The following TUBAL3 variants were observed in gnomAD, a reference collection of about 807,000 sequenced individuals.
TUBAL3 encodes tubulin alpha chain-like 3.
A neutral mutation model predicts 15.5 loss-of-function variants in TUBAL3; 16 were observed. That is an observed-to-expected ratio of 1.04 (90% CI 0.70 to 1.57). The LOEUF is 1.57. Among genes scored for constraint, TUBAL3 ranks in the 40% most tolerant of loss-of-function variants. The probability of loss-of-function intolerance (pLI) is 0.00; values close to 1 mark genes in which losing one functional copy is unlikely to be tolerated. For synonymous variants in TUBAL3, 238 were observed against 224.3 expected (o/e 1.06, Z -0.55); for missense variants, 609 against 576.2 (o/e 1.06, Z -0.58).
intron 1 of TUBAL3, 38 bp downstream of exon 1, chr10:5,404,752 A>C: frequency 1.9e-6 from 3 of 1,611,744 alleles, no homozygotes; most frequent in Non-Finnish European, 2.5e-6. Flanking sequence ...TGATTAGTAA[A>C]ATTTCCTACA....
At chr10:5,398,735 T>C (rs1831803696) in intron 2 of TUBAL3, among the ~76,000 whole-genome samples, 1 of 142,208 alleles carries the variant, frequency 7.0e-6, no homozygotes, top group Admixed American at 7.4e-5. Context: ...TAAACGTTCT[T>C]AAAACATTAT....
chr10:5,393,626 A>C lies in TUBAL3; in HGVS notation c.1232T>G (p.Phe411Cys), dbSNP rs781961424. ...KFDLMYAKRA[F>C]LHWYLREGME... ...GCCTTCTCTGAGGTACCAGTGCAGA[A>C]ATGCTCTCTTGGCGTACATGAGGTC... The change falls in exon 4 of 4, where the codon TTT becomes TGT. Residue 411 changes from phenylalanine (F) to cysteine (C), a missense_variant. Transcript: ENST00000380419. The C allele has an allele frequency of 4.3e-6, 7 of 1,614,154 alleles. No individual in the cohort carries two copies. Among genetic ancestry groups the C allele is most frequent in the Non-Finnish European group, 5.1e-6 (6 of 1,180,030 alleles).
chr10:5,401,103 G>T lies in TUBAL3; in HGVS notation c.4-16C>A. On this transcript the variant is annotated splice_polypyrimidine_tract_variant and intron_variant, in intron 1 of 3. Transcript: ENST00000380419. ...GGCACTCCCTCTAAAATAAGTCATG[G>T]TGAGTTGGAACTGAGCAGGTGTTTA... The T allele has an allele frequency of 6.2e-7, 1 of 1,613,536 alleles. No individual in the cohort carries two copies.
In TUBAL3 at chr10:5,394,100, C is replaced by G; in HGVS notation, c.758G>C (p.Gly253Ala). 6.2e-7 allele frequency: 1 copy of G among 1,614,176 alleles called. No homozygotes were observed. Among genetic ancestry groups the G allele is most frequent in the Non-Finnish European group, 8.5e-7 (1 of 1,180,036 alleles). Reference sequence around the variant, plus strand: ...TTCAATTAGGTCTACATTCAAGGGCCCTTCAAACCGGAGGGAGGCAGTGAT... The same window carrying G: ...TTCAATTAGGTCTACATTCAAGGGCGCTTCAAACCGGAGGGAGGCAGTGAT... Reference protein sequence around the residue: ...SSITASLRFEGPLNVDLIEFQ... With the variant: ...SSITASLRFEAPLNVDLIEFQ... Residue 253 changes from glycine (G) to alanine (A), a missense_variant, in exon 4 of 4, where the codon GGG (glycine) becomes GCG (alanine). Gly to Ala is a moderately conservative substitution (Grantham distance 60). Coordinates refer to ENST00000380419, the MANE Select transcript of TUBAL3 (RefSeq NM_024803.3). This position sits in a 1 kb window ranked among gnomAD's most constrained non-coding sequence, Gnocchi z 4.3.
In TUBAL3 at chr10:5,394,151, C is replaced by G. The variant is rs1831723346; in HGVS notation, c.707G>C (p.Arg236Thr). The G allele has an allele frequency of 6.2e-7, 1 of 1,614,236 alleles. No homozygotes were observed. Among genetic ancestry groups the G allele is most frequent in the African/African-American group, 1.3e-5 (1 of 75,060 alleles). The change falls in exon 4 of 4, where the codon AGA (arginine) becomes ACA (threonine). Residue 236 changes from arginine (R) to threonine (T), a missense_variant. Coordinates refer to ENST00000380419, the MANE Select transcript of TUBAL3 (RefSeq NM_024803.3). The surrounding 1 kb of genome is among the most constrained non-coding windows in gnomAD (Gnocchi z 4.3). ...GGAAGATACCACCTGAACCACCAAT[C>G]TATTGATGCTGGCATGAGAGGGGCA... ...VECPSHASIN[R>T]LVVQVVSSIT...
rs1831727596 is a variant in TUBAL3, at chr10:5,394,265, G to A, written c.593C>T (p.Thr198Ile). The change falls in exon 4 of 4, where the codon ACC becomes ATC. Residue 198 changes from threonine (T) to isoleucine (I), a missense_variant. By Grantham distance (89) the Thr-to-Ile change is moderately conservative (BLOSUM62 -1). Transcript: ENST00000380419. The surrounding 1 kb of genome is among the most constrained non-coding windows in gnomAD (Gnocchi z 4.3). ...GTCCGTGTGCTCTGTGGTGGAGTGG[G>A]TGGTGAGGACAGAGTTATAAGGCTC... ...VVEPYNSVLT[T>I]HSTTEHTDCT... 1.2e-6 allele frequency: 2 copies of A among 1,614,180 alleles called. No homozygotes were observed. Among genetic ancestry groups the A allele is most frequent in the East Asian group, 2.2e-5 (1 of 44,876 alleles).
chr10:5,404,359 C>T (rs191359497), intron 1 of TUBAL3, among the ~76,000 whole-genome samples: 1 of 152,296 alleles, frequency 6.6e-6, no homozygotes, highest in Admixed American at 6.5e-5. Flanking sequence ...AAGATGTCTG[C>T]GCACTTTACC....
At chr10:5,403,920 G>A (rs1479709395) in intron 1 of TUBAL3, among the ~76,000 whole-genome samples, 2 of 152,182 alleles carry the variant, frequency 1.3e-5, no homozygotes. Flanking sequence ...TGAGGTCTTT[G>A]TAGATTGATA....
chr10:5,398,665 G>A (rs1274844354), intron 2 of TUBAL3, among the ~76,000 whole-genome samples: 3 of 152,162 alleles, frequency 2.0e-5, no homozygotes, highest in African/African-American at 7.2e-5. Context: ...CTGCCTTGCA[G>A]AGCAAGCTTG....
rs1329117775 is a variant in TUBAL3, at chr10:5,395,168, C to G, written c.396+159G>C. ...TCCTAGTAACAAGGGGAAATCAAAG[C>G]CAAGATGAGAACCCCTCCCCAGTTC... On this transcript the variant is annotated intron_variant, in intron 3 of 3. Coordinates refer to ENST00000380419, the MANE Select transcript of TUBAL3 (RefSeq NM_024803.3). This position sits in a 1 kb window ranked among gnomAD's most constrained non-coding sequence, Gnocchi z 4.6. Among the ~76,000 whole-genome samples, 1 of 152,146 alleles carries G rather than the reference C, an allele frequency of 6.6e-6. No homozygotes were observed. Among genetic ancestry groups the G allele is most frequent in the Non-Finnish European group, 1.5e-5 (1 of 68,038 alleles).
intron 2 of TUBAL3, among the ~76,000 whole-genome samples, 191 bp downstream of exon 2, chr10:5,400,653 A>G (rs1451014650): frequency 3.9e-5 from 6 of 152,018 alleles, no homozygotes; most frequent in Admixed American, 3.3e-4. Flanking sequence ...AAATTCAAAA[A>G]CACTAATCTG....
rs1554814212 is a variant in TUBAL3 at position 5,397,037 on chromosome 10, T to C, written c.248-1562A>G. Among the ~76,000 whole-genome samples, 1 of 152,188 alleles carries C rather than the reference T, an allele frequency of 6.6e-6. No homozygotes were observed. The highest frequency in any genetic ancestry group is 2.4e-5 in the African/African-American group (1 of 41,440). On this transcript the variant is annotated intron_variant, in intron 2 of 3. Coordinates refer to ENST00000380419, the MANE Select transcript of TUBAL3 (RefSeq NM_024803.3). The surrounding 1 kb of genome is among the most constrained non-coding windows in gnomAD (Gnocchi z 4.9). Reference sequence around the variant, plus strand: ...AACATAGGGCACAACGCACGGCCCATATAACAACAGCAATTATAAGTAACA... The same window carrying C: ...AACATAGGGCACAACGCACGGCCCACATAACAACAGCAATTATAAGTAACA...
rs1328709028 is a variant in TUBAL3 at position 5,395,186 on chromosome 10, CCCAGTTCTGAGCACCCAGA to C, written c.396+122_396+140del. 7 of 884,750 alleles carry C rather than the reference CCCAGTTCTGAGCACCCAGA, an allele frequency of 7.9e-6. No individual in the cohort carries two copies. Among genetic ancestry groups the C allele is most frequent in the Non-Finnish European group, 1.1e-5 (7 of 624,784 alleles). 54.8% of individuals were successfully genotyped at this position (884,750 alleles called of 1,614,324 possible). ...ATCAAAGCCAAGATGAGAACCCCTC[CCCAGTTCTGAGCACCCAGA>C]CCAGAGCCCAGGGAGAGACGGTTGG... On this transcript the variant is annotated intron_variant, in intron 3 of 3. Transcript: ENST00000380419. The surrounding 1 kb of genome is among the most constrained non-coding windows in gnomAD (Gnocchi z 4.6).
At chr10:5,402,207 TC>T (rs1295765528) in intron 1 of TUBAL3, among the ~76,000 whole-genome samples, 3 of 152,142 alleles carry the variant, frequency 2.0e-5, no homozygotes, top group Admixed American at 6.5e-5. Context: ...TATTCCCCCA[TC>T]CCACTTTAAA....
At position 5,393,221 on chromosome 10, in the gene TUBAL3, G is replaced by T; in HGVS notation, c.*296C>A. The T allele has an allele frequency of 3.3e-6, 1 of 304,052 alleles. No individual in the cohort carries two copies. Among genetic ancestry groups the T allele is most frequent in the Non-Finnish European group, 6.0e-6 (1 of 166,458 alleles). The allele number at this position is 304,052 out of a possible 1,614,324, so 18.8% of individuals were successfully genotyped here. On this transcript the variant is annotated 3_prime_UTR_variant, in exon 4 of 4. Coordinates refer to ENST00000380419, the MANE Select transcript of TUBAL3 (RefSeq NM_024803.3). ...CAGAAAGGAAAAGCATAAACTTCAG[G>T]ATTTCATTGTCTCTTGGTAAAACAA...
chr10:5,394,950 C>T lies in TUBAL3; in HGVS notation c.396+377G>A, dbSNP rs562614194. Reference sequence around the variant, plus strand: ...ATCAGTAAATAGAGTCACGCATCTCCAGATAGGGAGTGCCTCTTGCTAACT... The same window carrying T: ...ATCAGTAAATAGAGTCACGCATCTCTAGATAGGGAGTGCCTCTTGCTAACT... On this transcript the variant is annotated intron_variant, in intron 3 of 3. Coordinates refer to ENST00000380419, the MANE Select transcript of TUBAL3 (RefSeq NM_024803.3). The surrounding 1 kb of genome is among the most constrained non-coding windows in gnomAD (Gnocchi z 4.3). 6.6e-6 allele frequency among the ~76,000 whole-genome samples: 1 copy of T among 152,184 alleles called. No homozygotes were observed. Among genetic ancestry groups the T allele is most frequent in the Non-Finnish European group, 1.5e-5 (1 of 68,040 alleles).
intron 1 of TUBAL3, 52 bp from the exon 2 acceptor site, chr10:5,401,139 G>T (rs192877096): frequency 4.4e-5 from 70 of 1,599,794 alleles, no homozygotes; most frequent in Non-Finnish European, 5.3e-5. Flanking sequence ...GAAAACAGGA[G>T]ATCTGTTACT....
chr10:5,393,721 G>A lies in TUBAL3; in HGVS notation c.1137C>T (p.His379=). ...TGTTGCTCAGCATGCAGATGGACCG[G>A]TGGACTTTGGCCAGGTCCCCACCCG... The part of the protein sequence containing the change: ...VMPGGDLAKV[H]RSICMLSNTT... Residue 379 remains histidine (H), a synonymous_variant, in exon 4 of 4, where the codon CAC becomes CAT. Transcript: ENST00000380419. 1 of 1,614,082 alleles carries A rather than the reference G, an allele frequency of 6.2e-7. No homozygotes were observed. The highest frequency in any genetic ancestry group is 2.2e-5 in the East Asian group (1 of 44,902).
chr10:5,398,104 T>C (rs1250480908), intron 2 of TUBAL3, among the ~76,000 whole-genome samples: 2 of 151,988 alleles, frequency 1.3e-5, no homozygotes, highest in Non-Finnish European at 2.9e-5. Context: ...CTGGGCAATA[T>C]AGTGAGACCC....
Sources: allele counts gnomAD v4.1 joint callset (sites outside exome capture counted in the v4.1 genomes callset), GRCh38; gene constraint gnomAD v4.1.1; non-coding constraint Gnocchi (gnomAD v3.1); transcripts MANE v1.5; gene names NCBI Gene and HGNC (gene_info 2026-07-23, HGNC 2026-07-21).